Variants in SNX29 observed in about 807,000 individuals in gnomAD.
SNX29 encodes sorting nexin 29.
In SNX29, 78 loss-of-function variants were observed where a neutral mutation model predicts 102.1. The observed-to-expected ratio is 0.76, with a 90% CI of 0.64 to 0.92. SNX29 has a LOEUF of 0.92. SNX29 is among the 40% of genes least tolerant of loss of function. SNX29 has a pLI of 0.00. For missense variants in SNX29, 1,280 were observed against 1,061.7 expected, an observed-to-expected ratio of 1.21 and a Z score of -2.86; for synonymous variants, 580 against 414.5, an observed-to-expected ratio of 1.40 and a Z score of -4.85.
chr16:12,541,578 G>A (rs1319383331), intron 20 of SNX29, among the ~76,000 whole-genome samples: 1 of 152,098 alleles, frequency 6.6e-6, no homozygotes, highest in Admixed American at 6.5e-5. Context: ...TGCTCTCCAT[G>A]CCAGACCTCA....
At chr16:12,010,253 C>G (rs1037882336) in intron 3 of SNX29, among the ~76,000 whole-genome samples, 3 of 152,210 alleles carry the variant, frequency 2.0e-5, no homozygotes, top group African/African-American at 7.2e-5. Flanking sequence ...ACATTTACCA[C>G]ACACTCACAC....
intron 20 of SNX29, among the ~76,000 whole-genome samples, chr16:12,552,906 G>A (rs1384912856): frequency 6.6e-6 from 1 of 152,246 alleles, no homozygotes; most frequent in East Asian, 1.9e-4. Flanking sequence ...AGATAGGCAA[G>A]GGCAGCAGAG....
At chr16:12,549,524 C>A (rs1014563922) in intron 20 of SNX29, among the ~76,000 whole-genome samples, 1 of 84,824 alleles carries the variant, frequency 1.2e-5, no homozygotes, top group Admixed American at 1.2e-4. Context: ...TTTTCATCCT[C>A]TATCTCAAAT....
chr16:12,199,498 G>T (rs973019168), intron 13 of SNX29, 103 bp from the exon 14 acceptor site: 5 of 849,260 alleles, frequency 5.9e-6, no homozygotes, highest in Admixed American at 2.4e-5. Flanking sequence ...GATGCAAATT[G>T]TGCTTTTCTT....
At chr16:12,448,786 A>C (rs11075081) in intron 18 of SNX29, among the ~76,000 whole-genome samples, 1 of 152,040 alleles carries the variant, frequency 6.6e-6, no homozygotes, top group Non-Finnish European at 1.5e-5. Flanking sequence ...TCTCCAAGAC[A>C]ACAAGCTGTC....
At chr16:12,448,184 A>C (rs925019642) in intron 18 of SNX29, among the ~76,000 whole-genome samples, 1 of 152,216 alleles carries the variant, frequency 6.6e-6, no homozygotes, top group Admixed American at 6.5e-5. Context: ...ATAGCTTGTA[A>C]GTGACAAAAC....
In SNX29 at chr16:12,277,978, A is replaced by G. The variant is rs1298187626; in HGVS notation, c.1724A>G (p.Gln575Arg). ...SVDGEVTVAE[Q>R]KPGEIAEELA... ...GATGGAGAAGTTACAGTAGCTGAAC[A>G]GAAGCCGGGAGAAATTGCTGAAGAA... The change falls in exon 15 of 21, where the codon CAG becomes CGG. Residue 575 changes from glutamine (Q) to arginine (R), a missense_variant. By Grantham distance (43) the Gln-to-Arg change is conservative. Transcript: ENST00000566228. 6.2e-7 allele frequency: 1 copy of G among 1,609,434 alleles called. No homozygotes were observed. Among genetic ancestry groups the G allele is most frequent in the East Asian group, 2.2e-5 (1 of 44,814 alleles).
intron 11 of SNX29, among the ~76,000 whole-genome samples, chr16:12,121,341 C>A (rs1301945101): frequency 6.6e-6 from 1 of 152,242 alleles, no homozygotes; most frequent in Non-Finnish European, 1.5e-5. Context: ...GCACAGAACC[C>A]CATAGGGGCT....
chr16:12,383,184 A>C (rs891632973), intron 16 of SNX29, among the ~76,000 whole-genome samples: 5 of 152,154 alleles, frequency 3.3e-5, no homozygotes, highest in African/African-American at 1.2e-4. Flanking sequence ...CCCTGAGGTC[A>C]CCATTGTGAT....
intron 18 of SNX29, among the ~76,000 whole-genome samples, chr16:12,423,887 G>T (rs1380504937): frequency 6.6e-6 from 1 of 152,202 alleles, no homozygotes; most frequent in Non-Finnish European, 1.5e-5. Context: ...GTTTTTGTAA[G>T]AAGAGTGCAT....
intron 13 of SNX29, among the ~76,000 whole-genome samples, chr16:12,133,783 C>T (rs949080545): frequency 5.9e-5 from 9 of 152,020 alleles, no homozygotes; most frequent in Non-Finnish European, 8.8e-5. Flanking sequence ...ATTTTAACAG[C>T]GATAGTGCAG....
intron 14 of SNX29, among the ~76,000 whole-genome samples, chr16:12,239,096 G>T (rs1324607724): frequency 6.6e-6 from 1 of 152,236 alleles, no homozygotes; most frequent in African/African-American, 2.4e-5. Flanking sequence ...TTTGATGGAA[G>T]GGGCGTGTGA....
chr16:12,420,025 G>A (rs963536539), intron 18 of SNX29, among the ~76,000 whole-genome samples: 1 of 152,176 alleles, frequency 6.6e-6, no homozygotes, highest in African/African-American at 2.4e-5. Flanking sequence ...TCCACACCAG[G>A]GTTTTTTAAC....
intron 7 of SNX29, among the ~76,000 whole-genome samples, chr16:12,049,030 AC>A (rs2050200599): frequency 6.6e-6 from 1 of 152,212 alleles, no homozygotes; most frequent in African/African-American, 2.4e-5. Context: ...GTAGTTCATG[AC>A]AAAATATATA....
chr16:12,405,069 G>T lies in SNX29; in HGVS notation c.2037+1540G>T, dbSNP rs530753090. ...GATTTTCAAAAATCCTCTTCTCTTT[G>T]TTTCTCCTTTTGTCCCCCACAAACC... On this transcript the variant is annotated intron_variant, in intron 18 of 20. Coordinates refer to ENST00000566228, the MANE Select transcript of SNX29 (RefSeq NM_032167.5). Among the ~76,000 whole-genome samples the T allele has an allele frequency of 2.0e-5, 3 of 152,228 alleles. No homozygotes were observed. In the South Asian group the frequency reaches 6.2e-4, roughly 32 times the overall value.
intron 13 of SNX29, among the ~76,000 whole-genome samples, chr16:12,196,694 C>T (rs1293202321): frequency 6.9e-6 from 1 of 145,972 alleles, no homozygotes; most frequent in Non-Finnish European, 1.5e-5. Flanking sequence ...GATCTTGGCT[C>T]ACTGCAAGCT....
At chr16:12,418,099 C>G (rs2084716754) in intron 18 of SNX29, among the ~76,000 whole-genome samples, 1 of 152,128 alleles carries the variant, frequency 6.6e-6, no homozygotes, top group African/African-American at 2.4e-5. Context: ...AAGTGCTTCC[C>G]TGACATGACT....
chr16:12,174,633 A>G (rs1276880984), intron 13 of SNX29, among the ~76,000 whole-genome samples: 6 of 152,242 alleles, frequency 3.9e-5, no homozygotes, highest in African/African-American at 1.4e-4. Context: ...CCAGTTTTCA[A>G]GGCAGCATTT....
At chr16:12,202,382 G>C (rs1244006561) in intron 14 of SNX29, among the ~76,000 whole-genome samples, 1 of 152,080 alleles carries the variant, frequency 6.6e-6, no homozygotes, top group Admixed American at 6.5e-5. Context: ...GTGAGGTTGG[G>C]TTATTTGCCT....
Sources: gnomAD v4.1 joint callset for allele counts (sites outside exome capture counted in the v4.1 genomes callset) on GRCh38, gnomAD v4.1.1 for gene constraint, MANE v1.5 for transcripts, NCBI Gene and HGNC (gene_info 2026-07-23, HGNC 2026-07-21) for gene names.